The following TBC1D22A variants were observed in gnomAD, a reference collection of about 807,000 sequenced individuals.
The protein encoded by TBC1D22A is TBC1 domain family member 22A.
TBC1D22A carries 38 observed loss-of-function variants against 60.2 expected under a neutral mutation model. That is an observed-to-expected ratio of 0.63 (90% confidence interval 0.49 to 0.83). The LOEUF is 0.83. Ranked by LOEUF, TBC1D22A falls within the 40% of genes least tolerant of loss-of-function variation. TBC1D22A has a pLI of 0.00. For synonymous variants in TBC1D22A, 302 were observed against 281.7 expected, an observed-to-expected ratio of 1.07 and a Z score of -0.72; for missense variants, 628 against 701.0, an observed-to-expected ratio of 0.90 and a Z score of 1.18.
intron 3 of TBC1D22A, among the ~76,000 whole-genome samples, chr22:46,795,441 G>C (rs1317627872): frequency 1.3e-5 from 2 of 152,254 alleles, no homozygotes; most frequent in African/African-American, 2.4e-5. Context: ...ACCAGCTGGG[G>C]TCGGGGAGCT....
intron 8 of TBC1D22A, chr22:46,915,974 TG>T: frequency 2.2e-6 from 1 of 452,886 alleles, no homozygotes; most frequent in Non-Finnish European, 4.4e-6. Flanking sequence ...AAGGATGTGG[TG>T]GGCTTCAGAT....
intron 11 of TBC1D22A, among the ~76,000 whole-genome samples, chr22:47,058,997 G>C (rs745628246): frequency 6.6e-6 from 1 of 152,156 alleles, no homozygotes; most frequent in African/African-American, 2.4e-5. Flanking sequence ...GGAGTGTCCA[G>C]GTCCTGCGCT....
chr22:46,893,829 GAT>G lies in TBC1D22A; in HGVS notation c.838-954_838-953del, dbSNP rs373412920. On this transcript the variant is annotated intron_variant, in intron 6 of 12. Coordinates refer to ENST00000337137, the MANE Select transcript of TBC1D22A (RefSeq NM_014346.5). ...CGGGCCTCCTTTGGCACGCATCACA[GAT>G]GTGTGTGTGTGCCTCAGCTTACTCC... is the stretch of plus-strand genomic sequence containing the variant. 4.4e-4 allele frequency among the ~76,000 whole-genome samples: 67 copies of G among 152,344 alleles called. 2 individuals are homozygous for G. The East Asian group carries it at 0.012, about 28-fold the overall frequency.
intron 4 of TBC1D22A, among the ~76,000 whole-genome samples, chr22:46,876,000 A>G (rs946562178): frequency 6.6e-6 from 1 of 152,076 alleles, no homozygotes; most frequent in Non-Finnish European, 1.5e-5. Flanking sequence ...GTGAGTGAGG[A>G]CTGTAGTTGT....
At chr22:46,907,953 A>G (rs1371872353) in intron 7 of TBC1D22A, among the ~76,000 whole-genome samples, 1 of 152,198 alleles carries the variant, frequency 6.6e-6, no homozygotes, top group Non-Finnish European at 1.5e-5. Flanking sequence ...AGGCCCTGAG[A>G]CAGCCGCAGA....
intron 12 of TBC1D22A, among the ~76,000 whole-genome samples, chr22:47,124,290 G>C (rs970680277): frequency 6.6e-6 from 1 of 152,214 alleles, no homozygotes; most frequent in African/African-American, 2.4e-5. Flanking sequence ...GAAGGGCGCC[G>C]TGGGAGCTGG....
rs116114284 is a variant in TBC1D22A, at chr22:47,067,714, C to G, written c.1329+30516C>G. On this transcript the variant is annotated intron_variant, in intron 11 of 12. Coordinates refer to ENST00000337137, the MANE Select transcript of TBC1D22A (RefSeq NM_014346.5). ...TGCCACAGCCTCAGGAAGGGACCAT[C>G]GTCATGTATTTAATAACTTGAAACA... Among the ~76,000 whole-genome samples the G allele has an allele frequency of 3.6e-3, 550 of 152,274 alleles. 2 individuals carry two copies. The highest frequency in any genetic ancestry group is 0.012 in the African/African-American group (511 of 41,562).
At chr22:47,102,979 G>A (rs1436064122) in intron 11 of TBC1D22A, among the ~76,000 whole-genome samples, 1 of 152,100 alleles carries the variant, frequency 6.6e-6, no homozygotes, top group African/African-American at 2.4e-5. Context: ...ATACCTGAAG[G>A]TTTTTGTTTG....
At chr22:47,150,183 C>A (rs1288057552) in intron 12 of TBC1D22A, among the ~76,000 whole-genome samples, 1 of 152,186 alleles carries the variant, frequency 6.6e-6, no homozygotes, top group African/African-American at 2.4e-5. Flanking sequence ...GCACTGTAAA[C>A]GCCCCTGAGA....
rs1032719213 is a variant in TBC1D22A, at chr22:47,013,004, C to T, written c.1201+15295C>T. Among the ~76,000 whole-genome samples, 11 of 152,294 alleles carry T rather than the reference C, an allele frequency of 7.2e-5. No individual in the cohort carries two copies. In the East Asian group the frequency reaches 7.7e-4, roughly 11 times the overall value. On this transcript the variant is annotated intron_variant, in intron 10 of 12. Coordinates refer to ENST00000337137, the MANE Select transcript of TBC1D22A (RefSeq NM_014346.5). Reference sequence around the variant, plus strand: ...AAAGCCATCGTGCTCCAGTTACAGCCGAGCTGGGGTGGACCGGGAGAGGGC... The same window carrying T: ...AAAGCCATCGTGCTCCAGTTACAGCTGAGCTGGGGTGGACCGGGAGAGGGC...
At chr22:47,132,331 C>T (rs2066706481) in intron 12 of TBC1D22A, among the ~76,000 whole-genome samples, 1 of 152,190 alleles carries the variant, frequency 6.6e-6, no homozygotes. Flanking sequence ...TCTGCCTGCC[C>T]CTACTCCTGC....
intron 12 of TBC1D22A, among the ~76,000 whole-genome samples, chr22:47,122,145 G>A (rs2066294151): frequency 6.6e-6 from 1 of 152,228 alleles, no homozygotes; most frequent in Non-Finnish European, 1.5e-5. Context: ...GGGCACTGGG[G>A]ATGAGGAGCT....
At chr22:46,967,109 C>T (rs1002070821) in intron 8 of TBC1D22A, among the ~76,000 whole-genome samples, 1 of 152,204 alleles carries the variant, frequency 6.6e-6, no homozygotes, top group African/African-American at 2.4e-5. Flanking sequence ...AAGCTTACAG[C>T]CGTGGAGCAG....
chr22:46,818,846 G>A (rs868754144), intron 4 of TBC1D22A, among the ~76,000 whole-genome samples: 4 of 152,040 alleles, frequency 2.6e-5, no homozygotes, highest in Non-Finnish European at 5.9e-5. Flanking sequence ...TTTTTACGAT[G>A]TTGATTCTTC....
intron 7 of TBC1D22A, among the ~76,000 whole-genome samples, chr22:46,905,260 A>C (rs2069377523): frequency 6.6e-6 from 1 of 152,230 alleles, no homozygotes; most frequent in Non-Finnish European, 1.5e-5. Flanking sequence ...AAGACAAAAG[A>C]TAAAAAGGAA....
intron 10 of TBC1D22A, among the ~76,000 whole-genome samples, chr22:46,999,619 C>T (rs543175876): frequency 6.6e-6 from 1 of 152,318 alleles, no homozygotes; most frequent in South Asian, 2.1e-4. Context: ...TCACCTGTTT[C>T]ATCACTTGCC....
At chr22:46,966,002 A>C (rs2148080956) in intron 8 of TBC1D22A, among the ~76,000 whole-genome samples, 1 of 151,712 alleles carries the variant, frequency 6.6e-6, no homozygotes, top group Non-Finnish European at 1.5e-5. Context: ...CAGCCATGGC[A>C]CTCTCCTGGG....
chr22:47,074,486 A>G (rs2064124109), intron 11 of TBC1D22A, among the ~76,000 whole-genome samples: 1 of 152,254 alleles, frequency 6.6e-6, no homozygotes, highest in Non-Finnish European at 1.5e-5. Context: ...TTTTCTCTGG[A>G]GAGAAATAGG....
chr22:47,165,615 G>A (rs564599284), intron 12 of TBC1D22A, among the ~76,000 whole-genome samples: 1 of 152,262 alleles, frequency 6.6e-6, no homozygotes, highest in South Asian at 2.1e-4. Flanking sequence ...CAGTGTGGGT[G>A]CCACAGGGTT....
Sources: allele counts gnomAD v4.1 joint callset (sites outside exome capture counted in the v4.1 genomes callset), GRCh38; gene constraint gnomAD v4.1.1; transcripts MANE v1.5; gene names NCBI Gene and HGNC (gene_info 2026-07-23, HGNC 2026-07-21).